Variants in MACROD2 observed in about 807,000 individuals in gnomAD.
The protein encoded by MACROD2 is ADP-ribose glycohydrolase MACROD2.
MACROD2 carries 36 observed loss-of-function variants against 70.4 expected under a neutral mutation model. The ratio of observed to expected loss-of-function variants is 0.51; its 90% confidence interval spans 0.39 to 0.68. The LOEUF (loss-of-function observed/expected upper bound fraction) is 0.68, where lower values mean the gene tolerates loss of function less well. Among genes scored for constraint, MACROD2 ranks in the 30% least tolerant of loss-of-function variants. The pLI, the probability that MACROD2 is intolerant of heterozygous loss-of-function variation, is 0.00. For synonymous variants in MACROD2, 172 were observed against 178.8 expected, an observed-to-expected ratio of 0.96 and a Z score of 0.30; for missense variants, 496 against 538.4, an observed-to-expected ratio of 0.92 and a Z score of 0.78.
intron 5 of MACROD2, among the ~76,000 whole-genome samples, chr20:14,815,494 T>G (rs1450720629): frequency 2.6e-5 from 4 of 151,096 alleles, no homozygotes; most frequent in East Asian, 3.9e-4. Flanking sequence ...TATGTGTGGG[T>G]GTGTGTGTGT....
chr20:14,803,670 G>A (rs1046334174), intron 5 of MACROD2, among the ~76,000 whole-genome samples: 2 of 151,854 alleles, frequency 1.3e-5, no homozygotes, highest in African/African-American at 2.4e-5. Flanking sequence ...TAGTAGAGAC[G>A]GGGTTTCACT....
intron 8 of MACROD2, among the ~76,000 whole-genome samples, chr20:15,837,357 C>CT: frequency 6.6e-6 from 1 of 152,188 alleles, no homozygotes; most frequent in African/African-American, 2.4e-5. Context: ...AATGGGACCC[C>CT]TTTTCTCCGT....
intron 2 of MACROD2, among the ~76,000 whole-genome samples, chr20:14,058,613 A>ATTTTTC (rs766883309): frequency 7.7e-6 from 1 of 130,126 alleles, no homozygotes; most frequent in Non-Finnish European, 1.7e-5. Flanking sequence ...AGTTCTATTC[A>ATTTTTC]TTTTTCTTTT....
At chr20:15,860,202 C>A (rs1206469825) in intron 8 of MACROD2, among the ~76,000 whole-genome samples, 2 of 152,072 alleles carry the variant, frequency 1.3e-5, no homozygotes, top group Non-Finnish European at 1.5e-5. Flanking sequence ...CCCCCATACA[C>A]AAACACACAC....
At chr20:14,994,266 A>T (rs898551588) in intron 5 of MACROD2, among the ~76,000 whole-genome samples, 3 of 152,152 alleles carry the variant, frequency 2.0e-5, no homozygotes, top group Non-Finnish European at 4.4e-5. Flanking sequence ...GAACAAATAA[A>T]ACAATTCAAG....
intron 3 of MACROD2, among the ~76,000 whole-genome samples, chr20:14,295,289 T>G (rs1191663222): frequency 6.6e-6 from 1 of 151,824 alleles, no homozygotes; most frequent in African/African-American, 2.4e-5. Flanking sequence ...TTTCCTGTAA[T>G]AAAAAACTAG....
chr20:14,154,871 CTA>C (rs1164470047), intron 3 of MACROD2, among the ~76,000 whole-genome samples: 2 of 152,126 alleles, frequency 1.3e-5, no homozygotes, highest in Admixed American at 6.5e-5. Flanking sequence ...GTGTGAATCT[CTA>C]TTTTAGCATT....
chr20:14,692,834 C>T (rs934636751), intron 5 of MACROD2, among the ~76,000 whole-genome samples: 1 of 152,228 alleles, frequency 6.6e-6, no homozygotes, highest in Non-Finnish European at 1.5e-5. Context: ...CTTTCATTTT[C>T]TCTTATTTTG....
At chr20:15,581,268 T>G (rs13045278) in intron 8 of MACROD2, among the ~76,000 whole-genome samples, 35,506 of 152,200 alleles carry the variant, frequency 0.23, 5,271 homozygotes, top group Non-Finnish European at 0.34. Flanking sequence ...CATTTTTCAC[T>G]GTCTCTGTTG....
chr20:15,409,354 A>G (rs970036537), intron 6 of MACROD2, among the ~76,000 whole-genome samples: 1 of 152,210 alleles, frequency 6.6e-6, no homozygotes, highest in African/African-American at 2.4e-5. Context: ...TTCCTCTTGA[A>G]TAGTGATTAT....
intron 7 of MACROD2, among the ~76,000 whole-genome samples, chr20:15,433,900 C>G (rs1285339899): frequency 1.3e-5 from 2 of 151,952 alleles, no homozygotes; most frequent in East Asian, 3.9e-4. Context: ...CAAATACTTA[C>G]AGCAAACTGA....
intron 8 of MACROD2, among the ~76,000 whole-genome samples, chr20:15,861,861 A>T (rs999215139): frequency 6.6e-6 from 1 of 152,042 alleles, no homozygotes; most frequent in African/African-American, 2.4e-5. Context: ...GCCACGAGAA[A>T]CACCTCATTT....
At chr20:15,646,489 CAA>C (rs1310341920) in intron 8 of MACROD2, among the ~76,000 whole-genome samples, 7 of 152,156 alleles carry the variant, frequency 4.6e-5, no homozygotes, top group African/African-American at 1.7e-4. Flanking sequence ...TCCTATTTTA[CAA>C]AAAGTCAACT....
intron 7 of MACROD2, among the ~76,000 whole-genome samples, chr20:15,440,135 T>A (rs1372857320): frequency 6.6e-6 from 1 of 152,180 alleles, no homozygotes; most frequent in Admixed American, 6.5e-5. Flanking sequence ...TCAATATAGT[T>A]AACAGAAATC....
chr20:14,284,575 T>C (rs2082329735), intron 3 of MACROD2, among the ~76,000 whole-genome samples: 1 of 152,246 alleles, frequency 6.6e-6, no homozygotes, highest in Non-Finnish European at 1.5e-5. Flanking sequence ...AACTAAACTC[T>C]CATTAAGATG....
intron 2 of MACROD2, among the ~76,000 whole-genome samples, chr20:14,060,826 A>G (rs903517695): frequency 1.3e-5 from 2 of 152,176 alleles, no homozygotes; most frequent in African/African-American, 4.8e-5. Flanking sequence ...CTGTGAATTC[A>G]TTGAGTATAG....
intron 8 of MACROD2, among the ~76,000 whole-genome samples, chr20:15,721,095 T>A (rs1348380374): frequency 1.3e-5 from 2 of 152,170 alleles, no homozygotes; most frequent in Admixed American, 1.3e-4. Flanking sequence ...GTTAAGTAAG[T>A]CTCATAACCT....
At chr20:15,884,706 A>G (rs1045534447) in intron 9 of MACROD2, among the ~76,000 whole-genome samples, 2 of 152,120 alleles carry the variant, frequency 1.3e-5, no homozygotes, top group African/African-American at 2.4e-5. Flanking sequence ...AAACATAGAA[A>G]CAGGAGAAGA....
At chr20:14,314,955 A>C (rs1331839125) in intron 3 of MACROD2, among the ~76,000 whole-genome samples, 1 of 152,136 alleles carries the variant, frequency 6.6e-6, no homozygotes, top group Non-Finnish European at 1.5e-5. Context: ...CCATATCCCA[A>C]ATAAGCAGCA....
Sources: allele counts gnomAD v4.1 joint callset (sites outside exome capture counted in the v4.1 genomes callset), GRCh38; gene constraint gnomAD v4.1.1; transcripts MANE v1.5; gene names NCBI Gene and HGNC (gene_info 2026-07-23, HGNC 2026-07-21).